CLDN10: variants seen among roughly 807,000 people sequenced by gnomAD.
CLDN10 encodes claudin-10.
Under a neutral mutation model 22.9 loss-of-function variants are expected in CLDN10, and 15 were observed. That is an observed-to-expected ratio of 0.65 (90% CI 0.44 to 1.01). The LOEUF (loss-of-function observed/expected upper bound fraction) is 1.01, where lower values mean the gene tolerates loss of function less well. Ranked by LOEUF, CLDN10 falls within the 50% of genes least tolerant of loss-of-function variation. The probability of loss-of-function intolerance (pLI) is 0.00; values close to 1 mark genes in which losing one functional copy is unlikely to be tolerated. For synonymous variants in CLDN10, 114 were observed against 111.4 expected (o/e 1.02, Z -0.15); for missense variants, 247 against 287.8 (o/e 0.86, Z 1.03).
chr13:95,560,547 T>C, intron 3 of CLDN10, 84 bp downstream of exon 3: 2 of 1,122,844 alleles, frequency 1.8e-6, no homozygotes, highest in Non-Finnish European at 2.6e-6. Flanking sequence ...GAATTTCCTA[T>C]ATGACTTTTG....
At chr13:95,536,802 A>C (rs9525013) in intron 1 of CLDN10, among the ~76,000 whole-genome samples, 17 of 1,146 alleles carry the variant, frequency 0.015, no homozygotes, top group Admixed American at 0.022. Flanking sequence ...ATGCCTTTTT[A>C]AAAAAAAGTT....
intron 1 of CLDN10, among the ~76,000 whole-genome samples, chr13:95,531,956 G>C (rs1413002744): frequency 6.6e-6 from 1 of 152,066 alleles, no homozygotes; most frequent in Non-Finnish European, 1.5e-5. Context: ...AGTAGCCAGA[G>C]AGCCATATGG....
intron 3 of CLDN10, among the ~76,000 whole-genome samples, chr13:95,569,850 G>A (rs1202873631): frequency 1.3e-5 from 2 of 150,250 alleles, no homozygotes; most frequent in Non-Finnish European, 3.0e-5. Flanking sequence ...CTCACTGCAA[G>A]CACCGCCTCC....
At chr13:95,504,033 T>G (rs1200634909) in intron 1 of CLDN10, among the ~76,000 whole-genome samples, 1 of 152,206 alleles carries the variant, frequency 6.6e-6, no homozygotes. Context: ...GGAGTAGTCA[T>G]GGATACTACA....
intron 1 of CLDN10, among the ~76,000 whole-genome samples, chr13:95,487,001 CT>C (rs1376213059): frequency 6.6e-6 from 1 of 152,170 alleles, no homozygotes; most frequent in Non-Finnish European, 1.5e-5. Context: ...GTGCTATCGT[CT>C]TTGTGTTGTG....
chr13:95,462,197 C>T (rs576127783), intron 1 of CLDN10, among the ~76,000 whole-genome samples: 5 of 152,194 alleles, frequency 3.3e-5, no homozygotes, highest in Non-Finnish European at 7.4e-5. Context: ...CTCACTGAGT[C>T]CTGCATTAAT....
intron 1 of CLDN10, among the ~76,000 whole-genome samples, chr13:95,440,752 G>A (rs111740775): frequency 5.5e-4 from 84 of 152,316 alleles, no homozygotes; most frequent in Non-Finnish European, 1.1e-3. Context: ...AGGTGAATTG[G>A]ACTTTCGCAG....
At chr13:95,492,656 C>G (rs944879213) in intron 1 of CLDN10, among the ~76,000 whole-genome samples, 14 of 152,154 alleles carry the variant, frequency 9.2e-5, no homozygotes, top group African/African-American at 3.4e-4. Flanking sequence ...ACACCAGATT[C>G]ATGCTCTCCC....
chr13:95,497,031 G>T (rs1178645509), intron 1 of CLDN10: 1 of 151,968 alleles, frequency 6.6e-6, no homozygotes, highest in East Asian at 1.9e-4. Context: ...CTGTTTTCCA[G>T]CTGGAAAACG....
At chr13:95,537,066 T>C (rs1742337216) in intron 1 of CLDN10, among the ~76,000 whole-genome samples, 1 of 152,202 alleles carries the variant, frequency 6.6e-6, no homozygotes, top group South Asian at 2.1e-4. Flanking sequence ...AGTAAAGAAG[T>C]AAGTTGAAGC....
chr13:95,448,868 T>C (rs567068148), intron 1 of CLDN10, among the ~76,000 whole-genome samples: 1 of 151,816 alleles, frequency 6.6e-6, no homozygotes, highest in Non-Finnish European at 1.5e-5. Flanking sequence ...GCCTCCCAAG[T>C]AGCTGGGATT....
At chr13:95,566,334 G>T (rs1378898401) in intron 3 of CLDN10, among the ~76,000 whole-genome samples, 1 of 152,162 alleles carries the variant, frequency 6.6e-6, no homozygotes, top group African/African-American at 2.4e-5. Flanking sequence ...GGCATGGATG[G>T]TATCTCATTG....
chr13:95,494,505 G>A (rs1033089011), intron 1 of CLDN10, among the ~76,000 whole-genome samples: 2 of 152,130 alleles, frequency 1.3e-5, no homozygotes, highest in African/African-American at 4.8e-5. Context: ...CATGGAAAAC[G>A]TATTTCTTGG....
chr13:95,571,307 T>C lies in CLDN10; in HGVS notation c.465-5924T>C, dbSNP rs146541179. Among the ~76,000 whole-genome samples the C allele has an allele frequency of 3.1e-3, 473 of 152,304 alleles. 3 individuals carry two copies. Among genetic ancestry groups the C allele is most frequent in the African/African-American group, 0.011 (451 of 41,550 alleles). On this transcript the variant is annotated intron_variant, in intron 3 of 4. Coordinates refer to ENST00000299339, the MANE Select transcript of CLDN10 (RefSeq NM_006984.5). ...GCCACAGAAAAGCAGTTTTTTTGTTTAGGTACCCCCTCCCAAATGTCTTTA... is the reference window on the plus strand; with the variant it reads ...GCCACAGAAAAGCAGTTTTTTTGTTCAGGTACCCCCTCCCAAATGTCTTTA...
At chr13:95,516,268 TGAC>T (rs1437637899) in intron 1 of CLDN10, among the ~76,000 whole-genome samples, 1 of 152,198 alleles carries the variant, frequency 6.6e-6, no homozygotes, top group African/African-American at 2.4e-5. Flanking sequence ...TACAGTATCA[TGAC>T]ATTACATCCT....
chr13:95,545,089 T>C (rs1267173720), intron 1 of CLDN10, among the ~76,000 whole-genome samples: 1 of 152,128 alleles, frequency 6.6e-6, no homozygotes, highest in Non-Finnish European at 1.5e-5. Context: ...AACTTTTAAA[T>C]ATTATTCAAA....
intron 1 of CLDN10, among the ~76,000 whole-genome samples, chr13:95,474,004 G>C (rs899326022): frequency 1.3e-5 from 2 of 152,210 alleles, no homozygotes; most frequent in Non-Finnish European, 2.9e-5. Context: ...TCCACGGACG[G>C]GGGTCGCAGG....
At chr13:95,517,403 A>T (rs1452450755) in intron 1 of CLDN10, among the ~76,000 whole-genome samples, 3 of 152,154 alleles carry the variant, frequency 2.0e-5, no homozygotes, top group Non-Finnish European at 4.4e-5. Context: ...GAAGGGTGCA[A>T]TCCAGGAAGG....
chr13:95,459,709 A>G (rs563767749), intron 1 of CLDN10, among the ~76,000 whole-genome samples: 2 of 152,290 alleles, frequency 1.3e-5, no homozygotes, highest in African/African-American at 4.8e-5. Context: ...GACCTCTGAC[A>G]TGCCCTGGAG....
Sources: gnomAD v4.1 joint callset for allele counts (sites outside exome capture counted in the v4.1 genomes callset) on GRCh38, gnomAD v4.1.1 for gene constraint, MANE v1.5 for transcripts, NCBI Gene and HGNC (gene_info 2026-07-23, HGNC 2026-07-21) for gene names.